PPARG: variants seen among roughly 807,000 people sequenced by gnomAD.
The protein encoded by PPARG is peroxisome proliferator activated receptor gamma.
In PPARG, 17 loss-of-function variants were observed where a neutral mutation model predicts 39.2. The ratio of observed to expected loss-of-function variants is 0.43; its 90% CI spans 0.30 to 0.65. The LOEUF (loss-of-function observed/expected upper bound fraction) is 0.65, where lower values mean the gene tolerates loss of function less well. Among genes scored for constraint, PPARG ranks in the 30% least tolerant of loss-of-function variants. PPARG has a pLI of 0.13. For missense variants in PPARG, 406 were observed against 585.9 expected (o/e 0.69, Z 3.17); for synonymous variants, 223 against 215.7 (o/e 1.03, Z -0.30).
At chr3:12,340,997 A>C (rs1235484600) in intron 2 of PPARG, among the ~76,000 whole-genome samples, 2 of 152,114 alleles carry the variant, frequency 1.3e-5, no homozygotes, top group African/African-American at 2.4e-5. Context: ...AGTCTGGCCA[A>C]TATGGTGAAA....
intron 6 of PPARG, among the ~76,000 whole-genome samples, chr3:12,407,868 C>A (rs1477525308): frequency 6.6e-6 from 1 of 152,114 alleles, no homozygotes; most frequent in Non-Finnish European, 1.5e-5. Context: ...CAATAATATA[C>A]CTGGATTCAA....
intron 2 of PPARG, among the ~76,000 whole-genome samples, chr3:12,313,327 A>G (rs17036282): frequency 0.022 from 3,364 of 152,292 alleles, 129 homozygotes; most frequent in African/African-American, 0.077. Flanking sequence ...TAGAGGACCT[A>G]GAAGCAGTGA....
intron 1 of PPARG, among the ~76,000 whole-genome samples, chr3:12,306,487 C>T (rs2047066603): frequency 6.6e-6 from 1 of 152,102 alleles, no homozygotes; most frequent in Non-Finnish European, 1.5e-5. Context: ...GATTTGAACC[C>T]AGACAATCTG....
intron 4 of PPARG, among the ~76,000 whole-genome samples, chr3:12,387,969 G>A (rs2938395): frequency 0.68 from 103,516 of 151,910 alleles, 35,776 homozygotes; most frequent in African/African-American, 0.79. Context: ...ATAACTGAGC[G>A]CTCTGTGAGC....
At chr3:12,406,400 G>A in intron 6 of PPARG, 1 of 371,528 alleles carries the variant, frequency 2.7e-6, no homozygotes, top group Non-Finnish European at 5.1e-6. Flanking sequence ...TCCTTTCTCG[G>A]CATCAAAATA....
intron 2 of PPARG, among the ~76,000 whole-genome samples, chr3:12,325,890 A>G (rs1200743221): frequency 2.0e-5 from 3 of 152,206 alleles, no homozygotes; most frequent in Non-Finnish European, 2.9e-5. Context: ...CTTAAAAATT[A>G]GTATTCCAGT....
intron 2 of PPARG, among the ~76,000 whole-genome samples, chr3:12,319,934 C>T (rs2047490205): frequency 1.3e-5 from 2 of 152,014 alleles, no homozygotes; most frequent in South Asian, 4.2e-4. Flanking sequence ...GTAATAATTG[C>T]CTTGACTTTT....
rs77485859 is a variant in PPARG at position 12,308,073 on chromosome 3, G to A, written c.-82-4307G>A. Among the ~76,000 whole-genome samples the A allele has an allele frequency of 4.7e-3, 713 of 152,102 alleles. 10 individuals carry two copies. The highest frequency in any genetic ancestry group is 0.017 in the African/African-American group (686 of 41,526). On this transcript the variant is annotated intron_variant, in intron 1 of 7. Coordinates refer to ENST00000651735, the MANE Select transcript of PPARG (RefSeq NM_138711.6). Reference sequence around the variant, plus strand: ...GACTAAAATAGTCATCATAAGGTAGGATAATAGGAGGCCGTGCACAGTGAC... The same window carrying A: ...GACTAAAATAGTCATCATAAGGTAGAATAATAGGAGGCCGTGCACAGTGAC...
At chr3:12,423,600 C>T (rs1019142187) in intron 7 of PPARG, among the ~76,000 whole-genome samples, 5 of 152,202 alleles carry the variant, frequency 3.3e-5, no homozygotes, top group Non-Finnish European at 7.3e-5. Flanking sequence ...CCTTCCACCC[C>T]CTCTTCATCT....
intron 7 of PPARG, among the ~76,000 whole-genome samples, chr3:12,428,528 C>T (rs1188285783): frequency 6.6e-6 from 1 of 152,260 alleles, no homozygotes; most frequent in Non-Finnish European, 1.5e-5. Flanking sequence ...GGCAACAGTG[C>T]CTTTTCAGGC....
chr3:12,414,566 G>A (rs2050994992), intron 6 of PPARG, among the ~76,000 whole-genome samples: 1 of 152,274 alleles, frequency 6.6e-6, no homozygotes, highest in East Asian at 1.9e-4. Flanking sequence ...TCTAGGTTCT[G>A]TGAAAGCATC....
intron 7 of PPARG, among the ~76,000 whole-genome samples, chr3:12,425,882 G>A (rs959843487): frequency 1.3e-5 from 2 of 152,158 alleles, no homozygotes; most frequent in South Asian, 2.1e-4. Context: ...CAGAAATCTC[G>A]GGTTCCATTT....
intron 2 of PPARG, among the ~76,000 whole-genome samples, chr3:12,326,142 A>G (rs543839469): frequency 4.3e-4 from 65 of 152,342 alleles, no homozygotes; most frequent in African/African-American, 1.5e-3. Context: ...AAATGTCACC[A>G]TAATACCTTT....
chr3:12,422,400 A>G (rs1206880871), intron 7 of PPARG, among the ~76,000 whole-genome samples: 1 of 152,230 alleles, frequency 6.6e-6, no homozygotes, highest in Non-Finnish European at 1.5e-5. Flanking sequence ...TCACAGAGCT[A>G]CTAATCGGTG....
chr3:12,342,598 G>GT (rs2048214094), intron 2 of PPARG, among the ~76,000 whole-genome samples: 1 of 152,190 alleles, frequency 6.6e-6, no homozygotes, highest in Non-Finnish European at 1.5e-5. Flanking sequence ...GTATGTATGT[G>GT]TATATGTGTA....
At chr3:12,316,450 G>C (rs773974684) in intron 2 of PPARG, among the ~76,000 whole-genome samples, 6 of 152,134 alleles carry the variant, frequency 3.9e-5, no homozygotes, top group Non-Finnish European at 7.3e-5. Context: ...GGAAAGGAAC[G>C]GGGAGTTAGT....
chr3:12,428,126 A>C (rs1330061252), intron 7 of PPARG, among the ~76,000 whole-genome samples: 1 of 152,160 alleles, frequency 6.6e-6, no homozygotes, highest in Non-Finnish European at 1.5e-5. Flanking sequence ...TGTGCTAGGG[A>C]AACACCCAGC....
intron 2 of PPARG, among the ~76,000 whole-genome samples, chr3:12,339,177 A>G (rs924035919): frequency 1.3e-5 from 2 of 152,138 alleles, no homozygotes; most frequent in Non-Finnish European, 2.9e-5. Flanking sequence ...CCAAAACATT[A>G]TGCTAAGTGA....
At chr3:12,313,582 C>G (rs141947787) in intron 2 of PPARG, among the ~76,000 whole-genome samples, 1 of 152,134 alleles carries the variant, frequency 6.6e-6, no homozygotes, top group Non-Finnish European at 1.5e-5. Flanking sequence ...TGGTCCCAAA[C>G]ATTTTGGATA....
Sources: gnomAD v4.1 joint callset for allele counts (sites outside exome capture counted in the v4.1 genomes callset) on GRCh38, gnomAD v4.1.1 for gene constraint, MANE v1.5 for transcripts, NCBI Gene and HGNC (gene_info 2026-07-23, HGNC 2026-07-21) for gene names.